The following PTPRD variants were observed in gnomAD, a reference collection of about 807,000 sequenced individuals.
PTPRD encodes receptor-type tyrosine-protein phosphatase delta.
Under a neutral mutation model 214.5 loss-of-function variants are expected in PTPRD, and 34 were observed. The observed-to-expected ratio is 0.16, with a 90% CI of 0.12 to 0.21. The LOEUF is 0.21. Ranked by LOEUF, PTPRD falls within the 10% of genes least tolerant of loss-of-function variation. The pLI is 1.00. For missense variants in PTPRD, 2,545 were observed against 2,398.7 expected, an observed-to-expected ratio of 1.06 and a Z score of -1.27; for synonymous variants, 1,128 against 845.7, an observed-to-expected ratio of 1.33 and a Z score of -5.79.
At chr9:9,756,062 C>G (rs2098570665) in intron 6 of PTPRD, among the ~76,000 whole-genome samples, 1 of 152,020 alleles carries the variant, frequency 6.6e-6, no homozygotes, top group Admixed American at 6.6e-5. Context: ...CTCTCATAAA[C>G]CTTTATATTC....
At chr9:10,331,363 G>A (rs1446626530) in intron 3 of PTPRD, among the ~76,000 whole-genome samples, 1 of 151,812 alleles carries the variant, frequency 6.6e-6, no homozygotes, top group Non-Finnish European at 1.5e-5. Context: ...CTTGAAGGAG[G>A]CTGTCAGTGC....
At chr9:10,509,503 A>ATCTATCTATCTG (rs397942022) in intron 2 of PTPRD, among the ~76,000 whole-genome samples, 1 of 142,542 alleles carries the variant, frequency 7.0e-6, no homozygotes, top group South Asian at 2.2e-4. Context: ...CTATCTATCT[A>ATCTATCTATCTG]ATGATCATTA....
At chr9:8,362,061 C>T (rs2078641635) in intron 39 of PTPRD, among the ~76,000 whole-genome samples, 1 of 152,194 alleles carries the variant, frequency 6.6e-6, no homozygotes, top group African/African-American at 2.4e-5. Flanking sequence ...GGTATGTAGA[C>T]CACCTTGGGA....
chr9:8,893,126 G>C (rs2098556115), intron 11 of PTPRD, among the ~76,000 whole-genome samples: 1 of 152,062 alleles, frequency 6.6e-6, no homozygotes, highest in Non-Finnish European at 1.5e-5. Flanking sequence ...AAATATATAT[G>C]ATAGAAGACA....
At chr9:9,738,438 A>ATTTTTT (rs1564880927) in intron 6 of PTPRD, among the ~76,000 whole-genome samples, 1 of 54,296 alleles carries the variant, frequency 1.8e-5, no homozygotes, top group Non-Finnish European at 3.2e-5. Flanking sequence ...TCACTCACTC[A>ATTTTTT]CTTTTTTTTT....
chr9:9,607,774 A>T (rs996785430), intron 7 of PTPRD, among the ~76,000 whole-genome samples: 1 of 151,900 alleles, frequency 6.6e-6, no homozygotes. Context: ...TCATTGGCAG[A>T]CGTTTTGAGG....
At chr9:9,269,870 G>A (rs1296125494) in intron 9 of PTPRD, among the ~76,000 whole-genome samples, 1 of 151,174 alleles carries the variant, frequency 6.6e-6, no homozygotes, top group East Asian at 2.0e-4. Context: ...GGGGAAACAG[G>A]GAGATGTTGG....
chr9:9,440,698 T>C (rs993413673), intron 8 of PTPRD, among the ~76,000 whole-genome samples: 1 of 152,242 alleles, frequency 6.6e-6, no homozygotes, highest in Non-Finnish European at 1.5e-5. Flanking sequence ...ATTTGTTCAT[T>C]AATCCAGCCA....
chr9:9,821,634 T>C (rs1304560522), intron 5 of PTPRD, among the ~76,000 whole-genome samples: 1 of 152,152 alleles, frequency 6.6e-6, no homozygotes, highest in Non-Finnish European at 1.5e-5. Flanking sequence ...ATAAAAATAC[T>C]GATATTGTTG....
chr9:8,834,978 G>C (rs1266327371), intron 11 of PTPRD, among the ~76,000 whole-genome samples: 1 of 152,162 alleles, frequency 6.6e-6, no homozygotes, highest in Non-Finnish European at 1.5e-5. Flanking sequence ...TTTGCCTAAA[G>C]AGGTTGGCAT....
chr9:9,180,430 C>A (rs924140606), intron 10 of PTPRD, among the ~76,000 whole-genome samples: 9 of 123,408 alleles, frequency 7.3e-5, no homozygotes, highest in African/African-American at 2.9e-4. Context: ...GGGAACATCA[C>A]ACAGTGGGGC....
intron 11 of PTPRD, among the ~76,000 whole-genome samples, chr9:8,820,887 G>A (rs897436407): frequency 6.6e-6 from 1 of 152,078 alleles, no homozygotes; most frequent in Non-Finnish European, 1.5e-5. Context: ...GACAAGTCAA[G>A]GAGTCTACTT....
At chr9:10,060,946 TTCTTTC>T (rs1489713173) in intron 3 of PTPRD, among the ~76,000 whole-genome samples, 4 of 132,828 alleles carry the variant, frequency 3.0e-5, no homozygotes, top group South Asian at 2.4e-4. Flanking sequence ...CTTTCTTTCT[TTCTTTC>T]TCTCTCTTCC....
intron 9 of PTPRD, among the ~76,000 whole-genome samples, chr9:9,270,022 A>C (rs530652479): frequency 6.6e-6 from 1 of 150,636 alleles, no homozygotes; most frequent in Non-Finnish European, 1.5e-5. Flanking sequence ...TAATATTACT[A>C]TAACATGTTA....
intron 3 of PTPRD, among the ~76,000 whole-genome samples, chr9:10,334,306 T>A (rs572545123): frequency 2.5e-4 from 38 of 151,794 alleles, no homozygotes; most frequent in Non-Finnish European, 4.7e-4. Flanking sequence ...AATAACATAA[T>A]AATACCAATA....
intron 8 of PTPRD, among the ~76,000 whole-genome samples, chr9:9,433,015 T>A (rs75478081): frequency 2.1e-3 from 315 of 152,218 alleles, no homozygotes; most frequent in South Asian, 8.3e-3. Context: ...ATAATATGTG[T>A]GTGTTTCCGA....
chr9:10,266,016 C>T (rs186512522), intron 3 of PTPRD, among the ~76,000 whole-genome samples: 33 of 152,106 alleles, frequency 2.2e-4, no homozygotes, highest in African/African-American at 7.5e-4. Context: ...TATTACTAAA[C>T]TTATATTAAC....
At chr9:10,573,634 GGGGAGGAAGCT>G (rs1448765895) in intron 2 of PTPRD, among the ~76,000 whole-genome samples, 1 of 152,140 alleles carries the variant, frequency 6.6e-6, no homozygotes, top group Non-Finnish European at 1.5e-5. Context: ...TAGGCTGAAG[GGGGAGGAAGCT>G]GGGAATCCTG....
intron 7 of PTPRD, among the ~76,000 whole-genome samples, chr9:9,693,334 T>A (rs2097309151): frequency 1.3e-5 from 2 of 152,220 alleles, no homozygotes; most frequent in African/African-American, 4.8e-5. Flanking sequence ...TGTTTGTGAG[T>A]GGATTATCAT....
Sources: gnomAD v4.1 joint callset for allele counts (sites outside exome capture counted in the v4.1 genomes callset) on GRCh38, gnomAD v4.1.1 for gene constraint, MANE v1.5 for transcripts, NCBI Gene and HGNC (gene_info 2026-07-23, HGNC 2026-07-21) for gene names.